The following COP1 variants were observed in gnomAD, a reference collection of about 807,000 sequenced individuals.
The protein encoded by COP1 is E3 ubiquitin-protein ligase COP1.
A neutral mutation model predicts 101.3 loss-of-function variants in COP1; 24 were observed. That is an observed-to-expected ratio of 0.24 (90% CI 0.17 to 0.33). The LOEUF is 0.33. Among genes scored for constraint, COP1 ranks in the 10% least tolerant of loss-of-function variants. The pLI is 1.00. For missense variants in COP1, 663 were observed against 906.2 expected (o/e 0.73, Z 3.45); for synonymous variants, 347 against 341.9 (o/e 1.01, Z -0.17).
chr1:175,970,557 A>G lies in COP1; in HGVS notation c.2133+16386T>C, dbSNP rs1450373365. Reference sequence around the variant, plus strand: ...AATAGAGCAGTTAAGAAGTAGATATAGGAACGACATTGTTCTATACTTATT... The same window carrying G: ...AATAGAGCAGTTAAGAAGTAGATATGGGAACGACATTGTTCTATACTTATT... On this transcript the variant is annotated intron_variant, in intron 18 of 19. Coordinates refer to ENST00000367669, the MANE Select transcript of COP1 (RefSeq NM_022457.7). 3.3e-5 allele frequency among the ~76,000 whole-genome samples: 5 copies of G among 152,204 alleles called. No homozygotes were observed. The East Asian group carries it at 9.6e-4, about 29-fold the overall frequency.
At chr1:175,960,613 A>T (rs1651220231) in intron 18 of COP1, among the ~76,000 whole-genome samples, 1 of 152,188 alleles carries the variant, frequency 6.6e-6, no homozygotes, top group South Asian at 2.1e-4. Context: ...AAGACTGTTT[A>T]GTAATAATAT....
intron 1 of COP1, 151 bp downstream of exon 1, chr1:176,206,421 G>C (rs1342218432): frequency 1.2e-6 from 1 of 843,798 alleles, no homozygotes; most frequent in Non-Finnish European, 1.8e-6. Flanking sequence ...TCGAATGCCT[G>C]CAAACGCTCG....
At chr1:176,158,386 G>C (rs139032433) in intron 5 of COP1, among the ~76,000 whole-genome samples, 2 of 151,980 alleles carry the variant, frequency 1.3e-5, no homozygotes, top group African/African-American at 4.8e-5. Context: ...CTAAAGAAAT[G>C]GTAAATGATG....
At chr1:176,022,189 CA>C (rs1286839164) in intron 15 of COP1, among the ~76,000 whole-genome samples, 1 of 151,950 alleles carries the variant, frequency 6.6e-6, no homozygotes, top group Non-Finnish European at 1.5e-5. Flanking sequence ...AACAAAATAA[CA>C]AAATAAAAGT....
intron 11 of COP1, among the ~76,000 whole-genome samples, chr1:176,065,741 T>C (rs1002834838): frequency 7.0e-6 from 1 of 143,292 alleles, no homozygotes; most frequent in East Asian, 2.0e-4. Flanking sequence ...GGAGTCTTGC[T>C]CCGTTGCCTA....
At chr1:175,960,759 C>T (rs370820990) in intron 18 of COP1, among the ~76,000 whole-genome samples, 97 of 152,300 alleles carry the variant, frequency 6.4e-4, no homozygotes, top group African/African-American at 2.2e-3. Flanking sequence ...ACAGAGGCTT[C>T]GCCAGAAAGC....
intron 3 of COP1, among the ~76,000 whole-genome samples, chr1:176,170,982 G>A (rs929998199): frequency 3.8e-4 from 57 of 151,764 alleles, no homozygotes; most frequent in African/African-American, 1.3e-3. Flanking sequence ...AAAATTAGCC[G>A]GGCTTGGTGG....
chr1:176,012,758 C>T (rs757172473), intron 15 of COP1, among the ~76,000 whole-genome samples: 4 of 152,058 alleles, frequency 2.6e-5, no homozygotes, highest in African/African-American at 4.8e-5. Context: ...TAATTGGCTA[C>T]GGCTTTCAGT....
chr1:176,007,582 G>C (rs551033382), intron 15 of COP1, among the ~76,000 whole-genome samples: 1 of 151,642 alleles, frequency 6.6e-6, no homozygotes, highest in Non-Finnish European at 1.5e-5. Flanking sequence ...CTCAGCTGCA[G>C]GTCTGTTGGA....
chr1:175,989,311 T>C lies in COP1; in HGVS notation c.1847+51A>G, dbSNP rs763471827. On this transcript the variant is annotated intron_variant, in intron 16 of 19. Coordinates refer to ENST00000367669, the MANE Select transcript of COP1 (RefSeq NM_022457.7). Reference sequence around the variant, plus strand: ...CTCAGTGACATTACAAGCTGGTAGGTAAGTACAGAGCTCTGTATTAAGCTC... The same window carrying C: ...CTCAGTGACATTACAAGCTGGTAGGCAAGTACAGAGCTCTGTATTAAGCTC... 13 of 880,956 alleles carry C rather than the reference T, an allele frequency of 1.5e-5. No individual in the cohort carries two copies. In the African/African-American group the frequency reaches 2.0e-4, roughly 13 times the overall value. The allele number at this position is 880,956 out of a possible 1,614,324, so 54.6% of individuals were successfully genotyped here. A position where few individuals can be genotyped will look rare whatever the true frequency, so the allele number is the denominator to read the frequency against.
intron 18 of COP1, among the ~76,000 whole-genome samples, chr1:175,986,717 T>TAAATGC (rs971362857): frequency 7.9e-5 from 12 of 152,340 alleles, no homozygotes; most frequent in Admixed American, 7.8e-4. Context: ...AGATATGCAC[T>TAAATGC]AAATGCTATG....
intron 1 of COP1, among the ~76,000 whole-genome samples, chr1:176,195,298 C>T (rs933623260): frequency 3.3e-5 from 5 of 152,130 alleles, no homozygotes; most frequent in South Asian, 2.1e-4. Context: ...AATTCACCAA[C>T]GCTAAATCTG....
intron 18 of COP1, among the ~76,000 whole-genome samples, chr1:175,968,980 C>T (rs1652705769): frequency 6.6e-6 from 1 of 152,186 alleles, no homozygotes; most frequent in Admixed American, 6.5e-5. Context: ...AAAAAAATGA[C>T]TGGATTGCTG....
intron 9 of COP1, among the ~76,000 whole-genome samples, chr1:176,106,360 C>CCATAA (rs1354366469): frequency 6.6e-6 from 1 of 152,102 alleles, no homozygotes; most frequent in Admixed American, 6.6e-5. Context: ...AAAACAAAGA[C>CCATAA]CATAACAGCC....
chr1:176,094,878 C>G (rs1391259670), intron 9 of COP1, among the ~76,000 whole-genome samples: 1 of 152,120 alleles, frequency 6.6e-6, no homozygotes, highest in East Asian at 1.9e-4. Context: ...ACTGAATATT[C>G]TATTTCATAT....
intron 8 of COP1, among the ~76,000 whole-genome samples, chr1:176,126,925 A>G (rs1404602805): frequency 6.6e-6 from 1 of 152,232 alleles, no homozygotes; most frequent in Non-Finnish European, 1.5e-5. Context: ...ATTTTAAATT[A>G]TTGGAATCAA....
chr1:176,105,609 C>A (rs757820941), intron 9 of COP1, among the ~76,000 whole-genome samples: 2 of 152,056 alleles, frequency 1.3e-5, no homozygotes, highest in Non-Finnish European at 2.9e-5. Context: ...CCAGAATGAA[C>A]CCTAAACATG....
At chr1:176,117,412 A>G (rs17354120) in intron 8 of COP1, among the ~76,000 whole-genome samples, 59,350 of 151,884 alleles carry the variant, frequency 0.39, 11,870 homozygotes, top group Middle Eastern at 0.45. Flanking sequence ...AACCTCCAGA[A>G]GTGTAGACTA....
intron 11 of COP1, among the ~76,000 whole-genome samples, chr1:176,059,977 A>C (rs1183156664): frequency 6.6e-6 from 1 of 152,194 alleles, no homozygotes; most frequent in East Asian, 1.9e-4. Flanking sequence ...TGCTGACCTT[A>C]AACTGTTTTT....
Sources: allele counts gnomAD v4.1 joint callset (sites outside exome capture counted in the v4.1 genomes callset), GRCh38; gene constraint gnomAD v4.1.1; transcripts MANE v1.5; gene names NCBI Gene and HGNC (gene_info 2026-07-23, HGNC 2026-07-21).